Variants in LAMA2 observed in about 807,000 individuals in gnomAD.
LAMA2 encodes laminin subunit alpha-2.
Under a neutral mutation model 364.8 loss-of-function variants are expected in LAMA2, and 269 were observed. That is an observed-to-expected ratio of 0.74 (90% CI 0.67 to 0.82). The LOEUF (loss-of-function observed/expected upper bound fraction) is 0.82. Among genes scored for constraint, LAMA2 ranks in the 40% least tolerant of loss-of-function variants. LAMA2 has a pLI of 0.00. For missense variants in LAMA2, 3,807 were observed against 3,873.2 expected (o/e 0.98, Z 0.45); for synonymous variants, 1,379 against 1,370.6 (o/e 1.01, Z -0.14).
intron 1 of LAMA2, among the ~76,000 whole-genome samples, chr6:128,891,165 T>A (rs965241272): frequency 6.6e-6 from 1 of 152,052 alleles, no homozygotes; most frequent in African/African-American, 2.4e-5. Flanking sequence ...AATAAGAAAA[T>A]CTAAAAATTG....
chr6:129,245,815 T>A (rs1785711254), intron 12 of LAMA2, among the ~76,000 whole-genome samples: 1 of 152,166 alleles, frequency 6.6e-6, no homozygotes, highest in Non-Finnish European at 1.5e-5. Flanking sequence ...GTTTGAATGG[T>A]CAGAGAACTA....
At chr6:129,401,181 T>A (rs1192581670) in intron 37 of LAMA2, 43 bp from the exon 38 acceptor site, 1 of 1,251,000 alleles carries the variant, frequency 8.0e-7, no homozygotes, top group South Asian at 1.2e-5. Flanking sequence ...GGTAGGATTT[T>A]ATGAAAATGC....
rs7775665 is a variant in LAMA2 at position 129,202,316 on chromosome 6, T to C, written c.1782+9463T>C. On this transcript the variant is annotated intron_variant, in intron 12 of 64. Coordinates refer to ENST00000421865, the MANE Select transcript of LAMA2 (RefSeq NM_000426.4). ...CCAAATGTTGGTGTCCCCCTAAAACTTATATGCTGGAACCTAATGCCTAAT... is the reference window on the plus strand; with the variant it reads ...CCAAATGTTGGTGTCCCCCTAAAACCTATATGCTGGAACCTAATGCCTAAT... Among the ~76,000 whole-genome samples the C allele has an allele frequency of 1.6e-3, 236 of 152,104 alleles. 2 individuals are homozygous for C. Among genetic ancestry groups the C allele is most frequent in the African/African-American group, 5.4e-3 (225 of 41,516 alleles).
chr6:128,998,124 G>A (rs902073054), intron 1 of LAMA2, among the ~76,000 whole-genome samples: 1 of 152,108 alleles, frequency 6.6e-6, no homozygotes, highest in African/African-American at 2.4e-5. Context: ...AAAGAGGTCA[G>A]CGAGGAGGTA....
chr6:128,937,250 G>A lies in LAMA2; in HGVS notation c.112+53893G>A, dbSNP rs370823633. ...TGGTGAATGTTCCTTTTGATATGCC[G>A]TTGAATTTGATTTGCTAGTATTTTT... On this transcript the variant is annotated intron_variant, in intron 1 of 64. Coordinates refer to ENST00000421865, the MANE Select transcript of LAMA2 (RefSeq NM_000426.4). Among the ~76,000 whole-genome samples, 75 of 152,050 alleles carry A rather than the reference G, an allele frequency of 4.9e-4. 2 individuals carry two copies. The highest frequency in any genetic ancestry group is 1.9e-4 in the East Asian group (1 of 5,196).
intron 1 of LAMA2, among the ~76,000 whole-genome samples, chr6:128,925,192 G>C (rs1412746724): frequency 2.0e-5 from 3 of 152,104 alleles, no homozygotes; most frequent in Non-Finnish European, 2.9e-5. Context: ...TAAAAGCAGG[G>C]TCCTGAAAAG....
intron 12 of LAMA2, among the ~76,000 whole-genome samples, chr6:129,247,190 C>T (rs150210656): frequency 6.6e-6 from 1 of 152,168 alleles, no homozygotes. Context: ...TGGCTCACAC[C>T]TGTAATCCCA....
chr6:129,143,846 T>C, intron 4 of LAMA2, 55 bp from the exon 5 acceptor site: 1 of 1,286,050 alleles, frequency 7.8e-7, no homozygotes, highest in Non-Finnish European at 1.1e-6. Context: ...AGAAACAAAA[T>C]CAATATTTAA....
At chr6:129,240,600 A>G (rs1288142206) in intron 12 of LAMA2, among the ~76,000 whole-genome samples, 4 of 151,924 alleles carry the variant, frequency 2.6e-5, no homozygotes, top group African/African-American at 7.3e-5. Context: ...TTTGTCAACT[A>G]CTCTCTTAAA....
At chr6:129,406,025 T>A (rs1780231448) in intron 40 of LAMA2, among the ~76,000 whole-genome samples, 1 of 152,070 alleles carries the variant, frequency 6.6e-6, no homozygotes, top group African/African-American at 2.4e-5. Context: ...GGTCAAGTAG[T>A]AGAGCAACCA....
chr6:129,065,120 G>A (rs549139171), intron 3 of LAMA2, among the ~76,000 whole-genome samples: 11 of 152,246 alleles, frequency 7.2e-5, no homozygotes, highest in Non-Finnish European at 1.5e-4. Flanking sequence ...ATCTATAAAT[G>A]TGATACCTTA....
chr6:128,984,710 T>A (rs1456142682), intron 1 of LAMA2, among the ~76,000 whole-genome samples: 1 of 152,038 alleles, frequency 6.6e-6, no homozygotes, highest in Non-Finnish European at 1.5e-5. Context: ...TTACTGGTTT[T>A]CATCTGACTT....
chr6:128,975,428 C>T (rs749117755), intron 1 of LAMA2, among the ~76,000 whole-genome samples: 1 of 151,658 alleles, frequency 6.6e-6, no homozygotes, highest in Non-Finnish European at 1.5e-5. Flanking sequence ...GGAGGAGGGC[C>T]CTAAATGAGA....
chr6:129,392,132 A>G (rs1779357077), intron 36 of LAMA2, among the ~76,000 whole-genome samples: 1 of 152,224 alleles, frequency 6.6e-6, no homozygotes, highest in Non-Finnish European at 1.5e-5. Context: ...AAGTCATCAA[A>G]TAATAAACAC....
At chr6:129,190,379 C>T (rs1391793358) in intron 11 of LAMA2, 34 bp downstream of exon 11, 11 of 1,605,716 alleles carry the variant, frequency 6.9e-6, no homozygotes, top group Non-Finnish European at 9.4e-6. Context: ...GTTTGCTGCC[C>T]CAGCAGCCTT....
At chr6:129,224,638 A>C (rs1214256043) in intron 12 of LAMA2, among the ~76,000 whole-genome samples, 6 of 152,162 alleles carry the variant, frequency 3.9e-5, no homozygotes, top group Admixed American at 2.0e-4. Context: ...GATTACGTTT[A>C]TTGATTTGTG....
intron 15 of LAMA2, among the ~76,000 whole-genome samples, chr6:129,266,667 G>A (rs772396517): frequency 4.6e-5 from 7 of 152,136 alleles, no homozygotes; most frequent in Non-Finnish European, 8.8e-5. Flanking sequence ...ATATGGGCAA[G>A]TGAACACATT....
At chr6:129,062,308 C>A (rs1334832437) in intron 3 of LAMA2, among the ~76,000 whole-genome samples, 1 of 152,080 alleles carries the variant, frequency 6.6e-6, no homozygotes, top group Non-Finnish European at 1.5e-5. Context: ...AGTGACTTGG[C>A]CTTCTTTCTA....
chr6:129,437,207 C>T (rs948558160), intron 41 of LAMA2, among the ~76,000 whole-genome samples: 2 of 152,072 alleles, frequency 1.3e-5, no homozygotes, highest in African/African-American at 4.8e-5. Context: ...TTGAATACCA[C>T]CACTGCCATT....
Sources: allele counts gnomAD v4.1 joint callset (sites outside exome capture counted in the v4.1 genomes callset), GRCh38; gene constraint gnomAD v4.1.1; transcripts MANE v1.5; gene names NCBI Gene and HGNC (gene_info 2026-07-23, HGNC 2026-07-21).